WDR72: variants seen among roughly 807,000 people sequenced by gnomAD.
The protein encoded by WDR72 is WD repeat domain 72.
WDR72 carries 120 observed loss-of-function variants against 124.2 expected under a neutral mutation model. That is an observed-to-expected ratio of 0.97 (90% CI 0.83 to 1.12). The LOEUF (loss-of-function observed/expected upper bound fraction) is 1.12. Ranked by LOEUF, WDR72 falls within the 50% of genes most tolerant of loss-of-function variation. The probability of loss-of-function intolerance (pLI) is 0.00; values close to 1 mark genes in which losing one functional copy is unlikely to be tolerated. For missense variants in WDR72, 1,387 were observed against 1,278.8 expected (o/e 1.08, Z -1.29); for synonymous variants, 452 against 441.7 (o/e 1.02, Z -0.29).
chr15:53,708,026 C>T (rs2017432292), intron 9 of WDR72, among the ~76,000 whole-genome samples: 1 of 152,188 alleles, frequency 6.6e-6, no homozygotes, highest in Non-Finnish European at 1.5e-5. Context: ...ATCCCCTCTG[C>T]CTTCACCTTC....
intron 13 of WDR72, among the ~76,000 whole-genome samples, chr15:53,695,089 T>G (rs1224995383): frequency 6.6e-6 from 1 of 152,220 alleles, no homozygotes; most frequent in Non-Finnish European, 1.5e-5. Context: ...AAAAAGTGTT[T>G]CTGATCCATC....
intron 14 of WDR72, among the ~76,000 whole-genome samples, chr15:53,619,816 A>G (rs2013917060): frequency 6.6e-6 from 1 of 152,026 alleles, no homozygotes; most frequent in Admixed American, 6.6e-5. Flanking sequence ...ATTTCTGTAA[A>G]TTTCTTGTTA....
intron 17 of WDR72, among the ~76,000 whole-genome samples, chr15:53,600,000 A>G (rs1468151391): frequency 6.6e-6 from 1 of 152,136 alleles, no homozygotes; most frequent in African/African-American, 2.4e-5. Flanking sequence ...CAGAGCCACA[A>G]CATTTAAAAG....
intron 13 of WDR72, among the ~76,000 whole-genome samples, chr15:53,669,204 T>G (rs2015904586): frequency 1.3e-5 from 2 of 152,250 alleles, no homozygotes; most frequent in African/African-American, 4.8e-5. Context: ...TGGCATACTC[T>G]TTGGGTAGTT....
chr15:53,741,917 C>G (rs997823997), intron 1 of WDR72, among the ~76,000 whole-genome samples: 3 of 151,994 alleles, frequency 2.0e-5, no homozygotes. Flanking sequence ...TAGTACAGAT[C>G]GGGTTTCACC....
chr15:53,755,407 T>A (rs1418539647), intron 1 of WDR72, among the ~76,000 whole-genome samples: 3 of 152,230 alleles, frequency 2.0e-5, no homozygotes, highest in African/African-American at 7.2e-5. Context: ...TATTTTCAAT[T>A]TTAAATAATA....
At chr15:53,762,319 A>G (rs918243778), upstream of WDR72, among the ~76,000 whole-genome samples, 1 of 151,774 alleles carries the variant, frequency 6.6e-6, no homozygotes, top group African/African-American at 2.4e-5. Context: ...CTGGATTCTC[A>G]CTTCCCTCCT....
At chr15:53,659,948 T>C (rs960425845) in intron 14 of WDR72, among the ~76,000 whole-genome samples, 1 of 152,074 alleles carries the variant, frequency 6.6e-6, no homozygotes, top group Non-Finnish European at 1.5e-5. Context: ...ATCAAAATAC[T>C]TAAAACAGAA....
chr15:53,611,276 A>C (rs1429290263), intron 16 of WDR72, among the ~76,000 whole-genome samples: 1 of 151,718 alleles, frequency 6.6e-6, no homozygotes, highest in Non-Finnish European at 1.5e-5. Context: ...ATGTTTCCCT[A>C]CTCCTTAGCT....
chr15:53,684,933 C>A (rs1168878104), intron 13 of WDR72, among the ~76,000 whole-genome samples: 2 of 151,986 alleles, frequency 1.3e-5, no homozygotes, highest in East Asian at 1.9e-4. Context: ...CTGGGAGGCA[C>A]CCCCCTAGCA....
intron 12 of WDR72, 103 bp from the exon 13 acceptor site, chr15:53,700,048 CCCCA>C: frequency 1.5e-6 from 2 of 1,326,510 alleles, no homozygotes; most frequent in Non-Finnish European, 2.1e-6. Context: ...TTTGTTAAAG[CCCCA>C]TTTACAAAAA....
chr15:53,529,714 T>A (rs781702274), intron 18 of WDR72, among the ~76,000 whole-genome samples: 10 of 151,940 alleles, frequency 6.6e-5, no homozygotes, highest in Admixed American at 2.6e-4. Context: ...AAAGGGAGAA[T>A]CAGTATACTC....
intron 13 of WDR72, among the ~76,000 whole-genome samples, chr15:53,670,906 C>T (rs2015962597): frequency 4.6e-5 from 7 of 152,178 alleles, no homozygotes; most frequent in Admixed American, 4.6e-4. Context: ...CCTGAGGTCA[C>T]TGGGCATATG....
chr15:53,701,045 T>C lies in WDR72; in HGVS notation c.1569+1089A>G, dbSNP rs114326333. Among the ~76,000 whole-genome samples the C allele has an allele frequency of 5.3e-3, 806 of 152,322 alleles. 7 individuals carry two copies. Among genetic ancestry groups the C allele is most frequent in the African/African-American group, 0.019 (770 of 41,568 alleles). ...AAATCATTTTACCTGTGTTACCATG[T>C]CCTTTTACTACAGAGGAAACTCAAA... On this transcript the variant is annotated intron_variant, in intron 12 of 19. Transcript: ENST00000360509.
chr15:53,706,373 T>TATATATATATAC (rs2017373902), intron 9 of WDR72, among the ~76,000 whole-genome samples: 31 of 67,336 alleles, frequency 4.6e-4, no homozygotes, highest in African/African-American at 1.8e-3. Context: ...TATATATATA[T>TATATATATATAC]ATATATATAT....
At chr15:53,544,078 A>T (rs936570360) in intron 18 of WDR72, among the ~76,000 whole-genome samples, 7 of 143,554 alleles carry the variant, frequency 4.9e-5, no homozygotes, top group African/African-American at 1.8e-4. Flanking sequence ...ATTCTACCAG[A>T]GGTACAAGGA....
chr15:53,672,312 T>TG (rs35307524), intron 13 of WDR72, among the ~76,000 whole-genome samples: 1 of 136,448 alleles, frequency 7.3e-6, no homozygotes, highest in African/African-American at 2.7e-5. Flanking sequence ...AAATGCCGAT[T>TG]AAAAAAAAAA....
chr15:53,611,753 C>T (rs909501725), intron 16 of WDR72, among the ~76,000 whole-genome samples: 2 of 150,312 alleles, frequency 1.3e-5, no homozygotes, highest in Non-Finnish European at 3.0e-5. Flanking sequence ...TTTTTTTTAA[C>T]GGTAAAACAG....
chr15:53,547,383 C>T (rs1050222707), intron 18 of WDR72, among the ~76,000 whole-genome samples: 8 of 152,328 alleles, frequency 5.3e-5, no homozygotes, highest in South Asian at 2.1e-4. Flanking sequence ...CCACCCGCCT[C>T]GGCCTCCCAA....
Sources: gnomAD v4.1 joint callset for allele counts (sites outside exome capture counted in the v4.1 genomes callset) on GRCh38, gnomAD v4.1.1 for gene constraint, MANE v1.5 for transcripts, NCBI Gene and HGNC (gene_info 2026-07-23, HGNC 2026-07-21) for gene names.